Variants in DLGAP1 observed in about 807,000 individuals in gnomAD.
DLGAP1 encodes the protein disks large-associated protein 1.
Under a neutral mutation model 90.8 loss-of-function variants are expected in DLGAP1, and 11 were observed. That is an observed-to-expected ratio of 0.12 (90% confidence interval 0.08 to 0.20). The LOEUF (loss-of-function observed/expected upper bound fraction) is 0.20. Among genes scored for constraint, DLGAP1 ranks in the 10% least tolerant of loss-of-function variants. The pLI is 1.00. For missense variants in DLGAP1, 1,050 were observed against 1,333.8 expected (o/e 0.79, Z 3.31); for synonymous variants, 558 against 540.7 (o/e 1.03, Z -0.44).
intron 9 of DLGAP1, among the ~76,000 whole-genome samples, chr18:3,550,281 A>G (rs7231767): frequency 0.013 from 1,952 of 152,282 alleles, 47 homozygotes; most frequent in African/African-American, 0.045. Context: ...GCTGCAGTGC[A>G]GTGGCACAAT....
At chr18:3,817,904 C>T (rs1254983562) in intron 4 of DLGAP1, among the ~76,000 whole-genome samples, 1 of 152,108 alleles carries the variant, frequency 6.6e-6, no homozygotes, top group Non-Finnish European at 1.5e-5. Flanking sequence ...TGCGTTATTA[C>T]TGTGGTGGCA....
intron 3 of DLGAP1, chr18:3,986,189 T>G (rs1339048214): frequency 6.6e-6 from 1 of 152,186 alleles, no homozygotes; most frequent in Admixed American, 6.5e-5. Flanking sequence ...CGCCCGTTTC[T>G]TATGCAGGTG....
chr18:3,512,516 A>G (rs2050601504), intron 10 of DLGAP1, among the ~76,000 whole-genome samples: 1 of 152,226 alleles, frequency 6.6e-6, no homozygotes, highest in Non-Finnish European at 1.5e-5. Context: ...AAGACCCACA[A>G]TAGAGAGTAC....
chr18:3,915,368 G>A (rs1431324026), intron 3 of DLGAP1, among the ~76,000 whole-genome samples: 2 of 152,218 alleles, frequency 1.3e-5, no homozygotes, highest in Non-Finnish European at 2.9e-5. Context: ...TCCCTGTGAA[G>A]TGAACCTCAT....
intron 9 of DLGAP1, among the ~76,000 whole-genome samples, chr18:3,555,100 T>G (rs1340399012): frequency 6.6e-6 from 1 of 152,190 alleles, no homozygotes; most frequent in East Asian, 1.9e-4. Flanking sequence ...CCGATATTGC[T>G]TTTTAAGATC....
At position 3,581,884 on chromosome 18, in the gene DLGAP1, G is replaced by A. The variant is rs368972216; in HGVS notation, c.1956C>T (p.Ile652=). 3.2e-5 allele frequency: 52 copies of A among 1,613,932 alleles called. No homozygotes were observed. Among genetic ancestry groups the A allele is most frequent in the African/African-American group, 4.0e-5 (3 of 74,890 alleles). ...AAAGGGAGGCTGTTACCTGTATCCCGATAGACAGGCATCGATTTTTCTTAA... is the reference window on the plus strand; with the variant it reads ...AAAGGGAGGCTGTTACCTGTATCCCAATAGACAGGCATCGATTTTTCTTAA... The part of the protein sequence containing the change: ...DHFKKNRCLS[I]GIQVDDAEEP... The change falls in exon 8 of 13, where the codon ATC becomes ATT. Residue 652 remains isoleucine (I), a synonymous_variant. Coordinates refer to ENST00000315677, the MANE Select transcript of DLGAP1 (RefSeq NM_004746.4).
intron 1 of DLGAP1, among the ~76,000 whole-genome samples, chr18:4,359,374 G>A (rs952715524): frequency 5.3e-5 from 8 of 152,134 alleles, no homozygotes; most frequent in Admixed American, 2.6e-4. Flanking sequence ...CGTCTTTATC[G>A]CTGAAGATAC....
At chr18:3,601,569 A>G (rs901430400) in intron 7 of DLGAP1, among the ~76,000 whole-genome samples, 5 of 151,264 alleles carry the variant, frequency 3.3e-5, no homozygotes, top group African/African-American at 1.2e-4. Flanking sequence ...ACGGCTGGGC[A>G]TGGTGGTTCA....
At chr18:3,535,043 C>T (rs1286112283) in intron 9 of DLGAP1, among the ~76,000 whole-genome samples, 2 of 150,474 alleles carry the variant, frequency 1.3e-5, no homozygotes, top group Non-Finnish European at 2.9e-5. Flanking sequence ...CAGGTGTGAC[C>T]ATTAGAAGTC....
chr18:3,920,811 C>T (rs1314137260), intron 3 of DLGAP1, among the ~76,000 whole-genome samples: 1 of 152,180 alleles, frequency 6.6e-6, no homozygotes. Flanking sequence ...TTCCCATTTT[C>T]AATAGTTTCA....
intron 7 of DLGAP1, among the ~76,000 whole-genome samples, chr18:3,712,496 G>GAAC (rs1230575537): frequency 6.6e-6 from 1 of 152,188 alleles, no homozygotes; most frequent in Non-Finnish European, 1.5e-5. Context: ...ACTCCTTACA[G>GAAC]AACACCTCAT....
intron 5 of DLGAP1, among the ~76,000 whole-genome samples, chr18:3,810,196 G>A (rs1390872606): frequency 6.6e-6 from 1 of 152,076 alleles, no homozygotes; most frequent in African/African-American, 2.4e-5. Flanking sequence ...GGTTTTGCTG[G>A]CCCAAAGATG....
chr18:4,093,970 G>T (rs565243510), intron 2 of DLGAP1, among the ~76,000 whole-genome samples: 19 of 151,822 alleles, frequency 1.3e-4, no homozygotes, highest in Admixed American at 5.9e-4. Context: ...AATTTAAGAC[G>T]CTCCACTTAT....
At chr18:3,739,717 G>A (rs1435653995) in intron 6 of DLGAP1, among the ~76,000 whole-genome samples, 4 of 152,084 alleles carry the variant, frequency 2.6e-5, no homozygotes, top group East Asian at 1.9e-4. Flanking sequence ...TGCGGCACAT[G>A]TATACATATG....
intron 7 of DLGAP1, among the ~76,000 whole-genome samples, chr18:3,664,914 C>T (rs1173233985): frequency 6.6e-6 from 1 of 152,150 alleles, no homozygotes; most frequent in Non-Finnish European, 1.5e-5. Context: ...TTTCTTTGCA[C>T]CTTGTGAAAA....
At chr18:4,340,179 G>T (rs566301346) in intron 1 of DLGAP1, among the ~76,000 whole-genome samples, 2 of 152,106 alleles carry the variant, frequency 1.3e-5, no homozygotes, top group South Asian at 4.2e-4. Flanking sequence ...TATTATTAAT[G>T]ACATATTATA....
chr18:4,334,306 A>G (rs1457947128), intron 1 of DLGAP1, among the ~76,000 whole-genome samples: 1 of 151,812 alleles, frequency 6.6e-6, no homozygotes, highest in Admixed American at 6.6e-5. Context: ...TCTAGTCTCT[A>G]TGACAAAGTA....
chr18:3,761,578 CTT>C (rs540575856), intron 5 of DLGAP1, among the ~76,000 whole-genome samples: 24 of 135,290 alleles, frequency 1.8e-4, no homozygotes, highest in Admixed American at 3.7e-4. Context: ...TTCTTTCTTT[CTT>C]TTTTTTTTTT....
chr18:4,052,771 G>A (rs111690460), intron 2 of DLGAP1, among the ~76,000 whole-genome samples: 2 of 151,996 alleles, frequency 1.3e-5, no homozygotes, highest in African/African-American at 4.8e-5. Context: ...CTTCTTGAAG[G>A]CTTTGCCACT....
Sources: gnomAD v4.1 joint callset for allele counts (sites outside exome capture counted in the v4.1 genomes callset) on GRCh38, gnomAD v4.1.1 for gene constraint, MANE v1.5 for transcripts, NCBI Gene and HGNC (gene_info 2026-07-23, HGNC 2026-07-21) for gene names.